The following EIF3D variants were observed in gnomAD, a reference collection of about 807,000 sequenced individuals.
EIF3D encodes the protein eukaryotic translation initiation factor 3 subunit D, also known as eIF3 p66.
In EIF3D, 10 loss-of-function variants were observed where a neutral mutation model predicts 75.4. The ratio of observed to expected loss-of-function variants is 0.13; its 90% CI spans 0.08 to 0.22. The LOEUF is 0.22. Among genes scored for constraint, EIF3D ranks in the 10% least tolerant of loss-of-function variants. The pLI, the probability that EIF3D is intolerant of heterozygous loss-of-function variation, is 1.00. For synonymous variants in EIF3D, 246 were observed against 248.3 expected, an observed-to-expected ratio of 0.99 and a Z score of 0.09; for missense variants, 394 against 708.0, an observed-to-expected ratio of 0.56 and a Z score of 5.03.
At chr22:36,521,143 T>C (rs1374315426) in intron 6 of EIF3D, among the ~76,000 whole-genome samples, 3 of 152,146 alleles carry the variant, frequency 2.0e-5, no homozygotes, top group Non-Finnish European at 4.4e-5. Context: ...GAGGTTGCAG[T>C]GAGCTGAGAT....
intron 12 of EIF3D, among the ~76,000 whole-genome samples, chr22:36,515,713 G>A (rs1011162182): frequency 4.6e-5 from 7 of 152,104 alleles, no homozygotes; most frequent in South Asian, 4.1e-4. Context: ...CAGCAAAGAC[G>A]ACATGCAAAC....
At position 36,516,544 on chromosome 22, in the gene EIF3D, G is replaced by A. The variant is rs754866318; in HGVS notation, c.1140C>T (p.Val380=). Residue 380 remains valine (V), a synonymous_variant, in exon 12 of 15, where the codon GTC becomes GTT. Transcript: ENST00000216190. ...DLIVRCEHDG[V]MTGANGEVSF... ...ACACTTCCCCGTTGGCTCCAGTCAT[G>A]ACGCCATCGTGCTCACAACGGACAA... is the stretch of plus-strand genomic sequence containing the variant. 15 of 1,614,084 alleles carry A rather than the reference G, an allele frequency of 9.3e-6. No homozygotes were observed. In the African/African-American group the frequency reaches 1.7e-4, roughly 19 times the overall value.
intron 1 of EIF3D, among the ~76,000 whole-genome samples, chr22:36,526,522 A>G (rs1311921872): frequency 1.3e-5 from 2 of 152,170 alleles, no homozygotes; most frequent in Non-Finnish European, 2.9e-5. Flanking sequence ...TGTTTTTTCA[A>G]ATATAGTAAC....
At chr22:36,514,980 C>T (rs142359162) in intron 12 of EIF3D, among the ~76,000 whole-genome samples, 3 of 151,354 alleles carry the variant, frequency 2.0e-5, no homozygotes, top group Admixed American at 6.5e-5. Context: ...GTATACCAAC[C>T]TCCCCCCTCT....
chr22:36,519,523 G>A lies in EIF3D; in HGVS notation c.593C>T (p.Ala198Val). The A allele has an allele frequency of 6.2e-7, 1 of 1,614,126 alleles. No individual in the cohort carries two copies. Among genetic ancestry groups the A allele is most frequent in the Non-Finnish European group, 8.5e-7 (1 of 1,180,032 alleles). Residue 198 changes from alanine to valine, a missense_variant, in exon 8 of 15, where the codon GCC becomes GTC. Coordinates refer to ENST00000216190, the MANE Select transcript of EIF3D (RefSeq NM_003753.4). The stretch of plus-strand genomic sequence containing the variant: ...AAAGGCTTTGTCGTAGTATTCTAGG[G>A]CCCCACAACACTCACTGTGGGAAGA... The part of the protein sequence containing the change: ...SEPQDIECCG[A>V]LEYYDKAFDR...
intron 9 of EIF3D, 157 bp from the exon 10 acceptor site, chr22:36,517,588 CG>C: frequency 1.4e-6 from 1 of 736,468 alleles, no homozygotes; most frequent in Non-Finnish European, 2.0e-6. Context: ...AACACATAAG[CG>C]GGGGAGTGGG....
chr22:36,518,948 T>C, intron 8 of EIF3D, 38 bp from the exon 9 acceptor site: 8 of 1,607,076 alleles, frequency 5.0e-6, no homozygotes, highest in Non-Finnish European at 6.8e-6. Context: ...GGAAAGACAC[T>C]CCCAGGTCTC....
At chr22:36,526,626 G>C (rs1290762252) in intron 1 of EIF3D, among the ~76,000 whole-genome samples, 1 of 116,870 alleles carries the variant, frequency 8.6e-6, no homozygotes, top group African/African-American at 3.6e-5. Context: ...TTTTTTTTTT[G>C]AGACAGAGTC....
chr22:36,524,475 T>A (rs1182313213), intron 4 of EIF3D, 121 bp downstream of exon 4: 1 of 1,416,986 alleles, frequency 7.1e-7, no homozygotes, highest in Non-Finnish European at 9.6e-7. Flanking sequence ...GACCCGAGAT[T>A]CACGAAAAGA....
At chr22:36,520,792 T>C (rs765988002) in intron 6 of EIF3D, 104 bp from the exon 7 acceptor site, 28 of 715,738 alleles carry the variant, frequency 3.9e-5, no homozygotes, top group Non-Finnish European at 5.5e-5. Flanking sequence ...CAGTGGCTCA[T>C]GCCTGTAGTC....
chr22:36,511,311 C>A (rs1342609596), intron 14 of EIF3D, 192 bp downstream of exon 14: 2 of 1,178,034 alleles, frequency 1.7e-6, no homozygotes, highest in Non-Finnish European at 2.3e-6. Flanking sequence ...ACACCGCTAT[C>A]CTCCCCAACC....
Position 36,525,657 on chromosome 22 carries a change from C to T in EIF3D, c.169+7G>A. 2 of 1,612,728 alleles carry T rather than the reference C, an allele frequency of 1.2e-6. No individual in the cohort carries two copies. The highest frequency in any genetic ancestry group is 2.2e-5 in the South Asian group (2 of 90,666). Reference sequence around the variant, plus strand: ...TGATTGGGGCATTCAGTTGCAGAAACACTTACTTGTGTACCTCTTATCTTG... The same window carrying T: ...TGATTGGGGCATTCAGTTGCAGAAATACTTACTTGTGTACCTCTTATCTTG... On this transcript the variant is annotated splice_region_variant and intron_variant, in intron 3 of 14. Transcript: ENST00000216190.
At position 36,511,540 on chromosome 22, in the gene EIF3D, ATCT is replaced by A; in HGVS notation, c.1593_1595del (p.Glu531del). Reference sequence around the variant, plus strand: ...CTTCTTCCTCCTCCTCTTCCTCCTCATCTTCATCAGAGCTGAAGGTGCCATCAG... The same window carrying A: ...CTTCTTCCTCCTCCTCTTCCTCCTCATCATCAGAGCTGAAGGTGCCATCAG... On this transcript the variant is annotated inframe_deletion, in exon 14 of 15. Coordinates refer to ENST00000216190, the MANE Select transcript of EIF3D (RefSeq NM_003753.4). 1 of 1,613,618 alleles carries A rather than the reference ATCT, an allele frequency of 6.2e-7. No homozygotes were observed. The highest frequency in any genetic ancestry group is 8.5e-7 in the Non-Finnish European group (1 of 1,179,780).
chr22:36,511,253 T>C, intron 14 of EIF3D: 2 of 822,822 alleles, frequency 2.4e-6, no homozygotes, highest in South Asian at 3.9e-5. Context: ...AATCTGGGAC[T>C]TCCCTCATCT....
intron 3 of EIF3D, among the ~76,000 whole-genome samples, chr22:36,525,084 T>C (rs563626086): frequency 6.6e-6 from 1 of 152,138 alleles, no homozygotes; most frequent in South Asian, 2.1e-4. Flanking sequence ...CAGGGGCCCA[T>C]GGCAGGTATG....
intron 4 of EIF3D, among the ~76,000 whole-genome samples, chr22:36,524,197 T>C (rs540553746): frequency 2.0e-5 from 3 of 152,302 alleles, no homozygotes; most frequent in East Asian, 1.9e-4. Context: ...ATATTTTTCA[T>C]TGAAGTATGT....
At chr22:36,522,487 A>C (rs1026635430) in intron 6 of EIF3D, among the ~76,000 whole-genome samples, 1 of 152,254 alleles carries the variant, frequency 6.6e-6, no homozygotes, top group African/African-American at 2.4e-5. Context: ...CATATACTGA[A>C]GGAAAACTGT....
intron 1 of EIF3D, among the ~76,000 whole-genome samples, chr22:36,526,504 TGTCCTAATGTTTTTTCAAATA>T (rs1569002306): frequency 5.9e-5 from 9 of 152,174 alleles, no homozygotes; most frequent in Admixed American, 1.3e-4. Context: ...TTTGATAAAA[TGTCCTAATGTTTTTTCAAATA>T]TAGTAACCTT....
intron 9 of EIF3D, among the ~76,000 whole-genome samples, 185 bp downstream of exon 9, chr22:36,518,578 A>G (rs1934464068): frequency 1.3e-5 from 2 of 151,990 alleles, no homozygotes; most frequent in African/African-American, 4.8e-5. Context: ...TGAGGCCTCA[A>G]GCAGGTACTG....
Sources: allele counts gnomAD v4.1 joint callset (sites outside exome capture counted in the v4.1 genomes callset), GRCh38; gene constraint gnomAD v4.1.1; transcripts MANE v1.5; gene names NCBI Gene and HGNC (gene_info 2026-07-23, HGNC 2026-07-21).